The following C12orf54 variants were observed in gnomAD, a reference collection of about 807,000 sequenced individuals.
C12orf54 encodes the protein chromosome 12 open reading frame 54.
In C12orf54, 24 loss-of-function variants were observed where a neutral mutation model predicts 26.4. The ratio of observed to expected loss-of-function variants is 0.91; its 90% CI spans 0.66 to 1.28. The LOEUF (loss-of-function observed/expected upper bound fraction) is 1.28. Among genes scored for constraint, C12orf54 ranks in the 50% most tolerant of loss-of-function variants. The pLI is 0.00. For missense variants in C12orf54, 154 were observed against 150.9 expected, an observed-to-expected ratio of 1.02 and a Z score of -0.11; for synonymous variants, 54 against 47.0, an observed-to-expected ratio of 1.15 and a Z score of -0.61.
chr12:48,444,961 A>G, the C12orf54 span, among the ~76,000 whole-genome samples: 30,123 of 152,142 alleles, frequency 0.2, 3,380 homozygotes, highest in African/African-American at 0.29. Context: ...TCACGAGGTC[A>G]GGAGATGGAG....
the C12orf54 span, among the ~76,000 whole-genome samples, chr12:48,467,076 T>G: frequency 2.0e-5 from 3 of 152,066 alleles, no homozygotes; most frequent in South Asian, 6.2e-4. Context: ...TATAACTAAG[T>G]TAAGGATATC....
upstream of C12orf54, among the ~76,000 whole-genome samples, chr12:48,479,574 G>T (rs950272694): frequency 2.0e-5 from 3 of 150,916 alleles, no homozygotes; most frequent in African/African-American, 7.3e-5. Flanking sequence ...TGCTGGAGGC[G>T]TTGCTACATG....
chr12:48,485,301 TG>T (rs1223862362), intron 2 of C12orf54, among the ~76,000 whole-genome samples: 1 of 152,056 alleles, frequency 6.6e-6, no homozygotes, highest in Non-Finnish European at 1.5e-5. Context: ...TGTTTTGTTT[TG>T]TTTTGTTTGT....
the C12orf54 span, among the ~76,000 whole-genome samples, chr12:48,444,383 G>T: frequency 6.6e-6 from 1 of 152,168 alleles, no homozygotes; most frequent in Admixed American, 6.5e-5. Context: ...GCAGCAAAAA[G>T]AAAGGTCTCC....
chr12:48,434,812 A>G, the C12orf54 span, among the ~76,000 whole-genome samples: 1 of 152,238 alleles, frequency 6.6e-6, no homozygotes, highest in Non-Finnish European at 1.5e-5. Context: ...AAGATGGGGA[A>G]AAAACAGAAC....
chr12:48,465,412 A>G, the C12orf54 span, among the ~76,000 whole-genome samples: 1 of 152,160 alleles, frequency 6.6e-6, no homozygotes, highest in African/African-American at 2.4e-5. Flanking sequence ...GTCAAAACAT[A>G]ACTGATGCTG....
At chr12:48,447,224 G>A in the C12orf54 span, among the ~76,000 whole-genome samples, 11 of 151,754 alleles carry the variant, frequency 7.2e-5, no homozygotes, top group African/African-American at 2.7e-4. Context: ...GTGTGTGTGT[G>A]TGTGTGTGTG....
chr12:48,433,680 C>T, the C12orf54 span, among the ~76,000 whole-genome samples: 1 of 152,074 alleles, frequency 6.6e-6, no homozygotes, highest in Non-Finnish European at 1.5e-5. Context: ...ATCTCTTGAC[C>T]TTGTGATCTG....
At chr12:48,454,981 AG>A in the C12orf54 span, among the ~76,000 whole-genome samples, 1 of 152,138 alleles carries the variant, frequency 6.6e-6, no homozygotes, top group East Asian at 1.9e-4. Flanking sequence ...TTAGGTTCAG[AG>A]GGTACCTGTG....
chr12:48,427,576 A>G, the C12orf54 span, among the ~76,000 whole-genome samples: 1 of 151,836 alleles, frequency 6.6e-6, no homozygotes, highest in African/African-American at 2.4e-5. Flanking sequence ...AAAAAGACAA[A>G]GAGGAATATT....
the C12orf54 span, among the ~76,000 whole-genome samples, chr12:48,422,847 A>C: frequency 6.6e-6 from 1 of 152,202 alleles, no homozygotes; most frequent in South Asian, 2.1e-4. Flanking sequence ...TGGAAGAATA[A>C]ATTCTTGAGA....
chr12:48,455,621 T>C, the C12orf54 span, among the ~76,000 whole-genome samples: 3 of 152,164 alleles, frequency 2.0e-5, no homozygotes, highest in Admixed American at 1.3e-4. Flanking sequence ...AGAAAAGATT[T>C]AAATAACAAG....
the C12orf54 span, among the ~76,000 whole-genome samples, chr12:48,430,134 G>A: frequency 1.3e-5 from 2 of 151,844 alleles, no homozygotes; most frequent in Non-Finnish European, 2.9e-5. Flanking sequence ...CTCATCTCTT[G>A]CATTATACAA....
the C12orf54 span, among the ~76,000 whole-genome samples, chr12:48,424,452 G>A: frequency 6.6e-6 from 1 of 151,930 alleles, no homozygotes; most frequent in Non-Finnish European, 1.5e-5. Context: ...TCACCACAAG[G>A]CCATCCGGAC....
chr12:48,434,152 G>C, the C12orf54 span, among the ~76,000 whole-genome samples: 1 of 152,160 alleles, frequency 6.6e-6, no homozygotes, highest in Non-Finnish European at 1.5e-5. Context: ...CACCCATGGA[G>C]CCTCGCTCAT....
chr12:48,493,526 G>GC (rs1937837809), intron 7 of C12orf54, among the ~76,000 whole-genome samples: 1 of 149,828 alleles, frequency 6.7e-6, no homozygotes, highest in Non-Finnish European at 1.5e-5. Context: ...AGGCTGAGGT[G>GC]AAAGGACAAC....
At chr12:48,444,246 A>T in the C12orf54 span, among the ~76,000 whole-genome samples, 1 of 152,336 alleles carries the variant, frequency 6.6e-6, no homozygotes, top group South Asian at 2.1e-4. Flanking sequence ...TCACCAGTGT[A>T]GCTCTAGCTA....
the C12orf54 span, among the ~76,000 whole-genome samples, chr12:48,420,675 A>G: frequency 2.6e-5 from 4 of 152,222 alleles, no homozygotes; most frequent in African/African-American, 4.8e-5. Flanking sequence ...TAGCAAACTC[A>G]GGAATAAGTT....
chr12:48,494,701 A>G (rs1194436419), intron 7 of C12orf54, 97 bp from the exon 8 acceptor site: 3 of 1,304,294 alleles, frequency 2.3e-6, no homozygotes, highest in Non-Finnish European at 3.2e-6. Flanking sequence ...GGGGGAGTGT[A>G]ATAATAGAAT....
Sources: gnomAD v4.1 joint callset for allele counts (sites outside exome capture counted in the v4.1 genomes callset) on GRCh38, gnomAD v4.1.1 for gene constraint, MANE v1.5 for transcripts, NCBI Gene and HGNC (gene_info 2026-07-23, HGNC 2026-07-21) for gene names.